Variants in GRM4 observed in about 807,000 individuals in gnomAD.
GRM4 encodes the protein metabotropic glutamate receptor 4.
A neutral mutation model predicts 81.7 loss-of-function variants in GRM4; 28 were observed. That is an observed-to-expected ratio of 0.34 (90% CI 0.25 to 0.47). The LOEUF is 0.47. Ranked by LOEUF, GRM4 falls within the 20% of genes least tolerant of loss-of-function variation. The pLI is 1.00. For synonymous variants in GRM4, 488 were observed against 528.8 expected (o/e 0.92, Z 1.06); for missense variants, 948 against 1,290.0 (o/e 0.73, Z 4.06).
intron 1 of GRM4, among the ~76,000 whole-genome samples, chr6:34,143,239 G>A (rs1194544837): frequency 2.0e-5 from 3 of 152,144 alleles, no homozygotes; most frequent in Non-Finnish European, 2.9e-5. Context: ...ATTCACAAGC[G>A]GACATCACGC....
rs115713968 is a variant in GRM4, at chr6:34,103,396, C to T, written c.520-11297G>A. 9.7e-3 allele frequency among the ~76,000 whole-genome samples: 1,482 copies of T among 152,150 alleles called. 20 individuals are homozygous for T. The highest frequency in any genetic ancestry group is 0.014 in the Non-Finnish European group (923 of 67,990). ...AGAAGCTGGAGAAGAATAGTGGGTA[C>T]GGAGGGGAGAGCCTCGGCAGGGCTG... is the stretch of plus-strand genomic sequence containing the variant. On this transcript the variant is annotated intron_variant, in intron 2 of 10. Coordinates refer to ENST00000538487, the MANE Select transcript of GRM4 (RefSeq NM_000841.4).
At position 34,080,227 on chromosome 6, in the gene GRM4, G is replaced by C. The variant is rs559404230; in HGVS notation, c.736+11656C>G. 6.6e-6 allele frequency among the ~76,000 whole-genome samples: 1 copy of C among 152,348 alleles called. No homozygotes were observed. Among genetic ancestry groups the C allele is most frequent in the East Asian group, 1.9e-4 (1 of 5,180 alleles). On this transcript the variant is annotated intron_variant, in intron 3 of 10. Coordinates refer to ENST00000538487, the MANE Select transcript of GRM4 (RefSeq NM_000841.4). The surrounding 1 kb of genome is among the most constrained non-coding windows in gnomAD (Gnocchi z 5.4). ...CAAAAGTCACCCCTGCAGAAAGCCAGGGTGAGGACCGAAAGGCCGTCAACC... is the reference window on the plus strand; with the variant it reads ...CAAAAGTCACCCCTGCAGAAAGCCACGGTGAGGACCGAAAGGCCGTCAACC...
intron 6 of GRM4, among the ~76,000 whole-genome samples, chr6:34,045,316 C>T (rs1765316034): frequency 6.6e-6 from 1 of 152,246 alleles, no homozygotes; most frequent in African/African-American, 2.4e-5. Context: ...CTCATGCTTA[C>T]CCAGAGCCAT....
In GRM4 at chr6:34,034,338, G is replaced by A. The variant is rs973973744; in HGVS notation, c.2442+1330C>T. 9.2e-5 allele frequency among the ~76,000 whole-genome samples: 14 copies of A among 151,972 alleles called. No individual in the cohort carries two copies. Among genetic ancestry groups the A allele is most frequent in the Admixed American group, 2.6e-4 (4 of 15,266 alleles). ...ACTGTCTCCTCGTCTCCCACCCAAC[G>A]TGCCATCCATTGGAAACCTGACCAG... is the stretch of plus-strand genomic sequence containing the variant. On this transcript the variant is annotated intron_variant, in intron 9 of 10. Coordinates refer to ENST00000538487, the MANE Select transcript of GRM4 (RefSeq NM_000841.4). This position sits in a 1 kb window ranked among gnomAD's most constrained non-coding sequence, Gnocchi z 4.0.
intron 2 of GRM4, among the ~76,000 whole-genome samples, chr6:34,101,159 A>G (rs1768816840): frequency 6.6e-6 from 1 of 152,188 alleles, no homozygotes; most frequent in African/African-American, 2.4e-5. Context: ...ATTGTATTGA[A>G]TTAGATTCAC....
At position 34,113,265 on chromosome 6, in the gene GRM4, C is replaced by G. The variant is rs145411500; in HGVS notation, c.519+19713G>C. 9.2e-5 allele frequency among the ~76,000 whole-genome samples: 14 copies of G among 152,232 alleles called. No homozygotes were observed. In the East Asian group the frequency reaches 2.5e-3, roughly 27 times the overall value. On this transcript the variant is annotated intron_variant, in intron 2 of 10. Transcript: ENST00000538487. ...CGCCTGAGTTCAAGCGATGCTCCCACCTCGGCCTCCTGATAAGCTGGGACC... is the reference window on the plus strand; with the variant it reads ...CGCCTGAGTTCAAGCGATGCTCCCAGCTCGGCCTCCTGATAAGCTGGGACC...
chr6:34,126,171 C>T (rs73415047), intron 2 of GRM4, among the ~76,000 whole-genome samples: 3,052 of 152,300 alleles, frequency 0.02, 76 homozygotes, highest in African/African-American at 0.061. Flanking sequence ...AAGGTAGATT[C>T]AGGGCCAGAT....
At chr6:34,128,699 G>A (rs182018467) in intron 2 of GRM4, among the ~76,000 whole-genome samples, 49 of 152,080 alleles carry the variant, frequency 3.2e-4, no homozygotes, top group African/African-American at 1.1e-3. Flanking sequence ...TTTAATCCCC[G>A]TGCTGTCCTA....
intron 1 of GRM4, among the ~76,000 whole-genome samples, chr6:34,141,026 C>T (rs1015539229): frequency 2.6e-5 from 4 of 152,220 alleles, no homozygotes; most frequent in African/African-American, 2.4e-5. Flanking sequence ...GGAATCAGGT[C>T]GAGTCTCCAA....
chr6:34,026,550 A>AC (rs1764141555), intron 10 of GRM4, among the ~76,000 whole-genome samples: 1 of 151,170 alleles, frequency 6.6e-6, no homozygotes, highest in African/African-American at 2.4e-5. Context: ...CAGCCTGGAG[A>AC]CCCCCAGGCC....
chr6:34,083,268 T>C (rs1767703586), intron 3 of GRM4, among the ~76,000 whole-genome samples: 1 of 152,030 alleles, frequency 6.6e-6, no homozygotes, highest in African/African-American at 2.4e-5. Context: ...ACTTACAAAA[T>C]GCAGAGGTGT....
chr6:34,034,941 T>A lies in GRM4; in HGVS notation c.2442+727A>T, dbSNP rs1250608807. On this transcript the variant is annotated intron_variant, in intron 9 of 10. Transcript: ENST00000538487. The surrounding 1 kb of genome is among the most constrained non-coding windows in gnomAD (Gnocchi z 4.0). ...ACAGGTCTCTTGGGGTGTGCCCAGGTCCTCGGACCAAGCCAACAGGAGGCA... is the reference window on the plus strand; with the variant it reads ...ACAGGTCTCTTGGGGTGTGCCCAGGACCTCGGACCAAGCCAACAGGAGGCA... 2.0e-5 allele frequency among the ~76,000 whole-genome samples: 3 copies of A among 152,078 alleles called. No homozygotes were observed. The highest frequency in any genetic ancestry group is 7.2e-5 in the African/African-American group (3 of 41,400).
chr6:34,138,425 G>T (rs950844461), intron 1 of GRM4, among the ~76,000 whole-genome samples: 1 of 152,244 alleles, frequency 6.6e-6, no homozygotes, highest in East Asian at 1.9e-4. Flanking sequence ...GAATGGCTGT[G>T]TGGAGTCTGG....
Position 34,061,940 on chromosome 6 carries a change from A to C in GRM4, c.825T>G (p.Thr275=), listed in dbSNP as rs1204657501. ...FDKIIRRLLE[T]SNARAVIIFA... is the part of the protein sequence containing the mutation. ...AGATGATGACTGCCCTGGCGTTCGAAGTCTCCAGGAGGCGGCGGATGATCT... is the reference window on the plus strand; with the variant it reads ...AGATGATGACTGCCCTGGCGTTCGACGTCTCCAGGAGGCGGCGGATGATCT... The change falls in exon 4 of 11, where the codon ACT becomes ACG. Residue 275 remains threonine, a synonymous_variant. Coordinates refer to ENST00000538487, the MANE Select transcript of GRM4 (RefSeq NM_000841.4). 1 of 1,613,690 alleles carries C rather than the reference A, an allele frequency of 6.2e-7. No homozygotes were observed. Among genetic ancestry groups the C allele is most frequent in the Admixed American group, 1.7e-5 (1 of 59,982 alleles).
rs920428991 is a variant in GRM4, at chr6:34,134,436, A to G, written c.-363-577T>C. 2.0e-5 allele frequency among the ~76,000 whole-genome samples: 3 copies of G among 152,190 alleles called. No homozygotes were observed. The East Asian group carries it at 5.8e-4, about 29-fold the overall frequency. On this transcript the variant is annotated intron_variant, in intron 1 of 10. Coordinates refer to ENST00000538487, the MANE Select transcript of GRM4 (RefSeq NM_000841.4). ...ACAAATAAGGCCCCCTCAAGAAATC[A>G]TCCTGGAACGCAGTGGTGTAGGCTG...
In GRM4 at chr6:34,056,534, GC is replaced by G. The variant is rs1561778755; in HGVS notation, c.1168+9del. 6.2e-7 allele frequency: 1 copy of G among 1,609,936 alleles called. No homozygotes were observed. The highest frequency in any genetic ancestry group is 2.2e-5 in the East Asian group (1 of 44,764). On this transcript the variant is annotated intron_variant, in intron 6 of 10. Coordinates refer to ENST00000538487, the MANE Select transcript of GRM4 (RefSeq NM_000841.4). ...GAGCCCGCCCGGCCCTGCCCGGCCC[GC>G]GTGCTCACTGGTGCACTTCTTGACG...
chr6:34,061,703 GC>G, intron 4 of GRM4, 189 bp downstream of exon 4: 1 of 537,064 alleles, frequency 1.9e-6, no homozygotes, highest in Non-Finnish European at 3.3e-6. Context: ...GGGAAGGAGT[GC>G]CCCATAGCAG....
intron 6 of GRM4, among the ~76,000 whole-genome samples, chr6:34,044,941 CAT>C (rs1166412424): frequency 9.2e-5 from 14 of 151,494 alleles, no homozygotes; most frequent in African/African-American, 1.2e-4. Flanking sequence ...CACACACACA[CAT>C]AGACATACAT....
chr6:34,059,002 C>G lies in GRM4; in HGVS notation c.999G>C (p.Thr333=). The G allele has an allele frequency of 1.2e-6, 2 of 1,613,428 alleles. No homozygotes were observed. Among genetic ancestry groups the G allele is most frequent in the Non-Finnish European group, 1.7e-6 (2 of 1,179,890 alleles). Residue 333 remains threonine, a synonymous_variant, in exon 5 of 11, where the codon ACG becomes ACC. Coordinates refer to ENST00000538487, the MANE Select transcript of GRM4 (RefSeq NM_000841.4). The surrounding 1 kb of genome is among the most constrained non-coding windows in gnomAD (Gnocchi z 5.7). ...HLEEVAEGAV[T]ILPKRMSVRG... is the part of the protein sequence containing the mutation. ...GTACGGACATCCTCTTGGGGAGGAT[C>G]GTGACAGCACCCTCAGCCACCTCCT...
Sources: allele counts gnomAD v4.1 joint callset (sites outside exome capture counted in the v4.1 genomes callset), GRCh38; gene constraint gnomAD v4.1.1; non-coding constraint Gnocchi (gnomAD v3.1); transcripts MANE v1.5; gene names NCBI Gene and HGNC (gene_info 2026-07-23, HGNC 2026-07-21).